Variants in RRM2 observed in about 807,000 individuals in gnomAD.
The protein encoded by RRM2 is ribonucleotide reductase regulatory subunit M2, also known as ribonucleoside-diphosphate reductase subunit M2.
A neutral mutation model predicts 45.9 loss-of-function variants in RRM2; 6 were observed. That is an observed-to-expected ratio of 0.13 (90% CI 0.07 to 0.26). The LOEUF (loss-of-function observed/expected upper bound fraction) is 0.26, where lower values mean the gene tolerates loss of function less well. RRM2 is among the 10% of genes least tolerant of loss of function. The pLI is 1.00. For missense variants in RRM2, 343 were observed against 489.5 expected (o/e 0.70, Z 2.82); for synonymous variants, 177 against 173.0 (o/e 1.02, Z -0.18).
chr2:10,134,273 T>C (rs978077471), downstream of RRM2, among the ~76,000 whole-genome samples: 2 of 151,928 alleles, frequency 1.3e-5, no homozygotes, highest in Non-Finnish European at 2.9e-5. Context: ...GCCCCGGAAC[T>C]TGTAGCAGCT....
chr2:10,157,593 A>T lies in RRM2; in HGVS notation n.482+15218A>T, dbSNP rs556921267. On this transcript the variant is annotated intron_variant and non_coding_transcript_variant, in intron 3 of 3. Coordinates refer to the RRM2 transcript ENST00000381786. ...TTATGCAGACAGGATCAAGGATGGT[A>T]CACTTTTTGGTGCCCTTTTTTGGCT... 2.0e-5 allele frequency among the ~76,000 whole-genome samples: 3 copies of T among 152,214 alleles called. No individual in the cohort carries two copies. The South Asian group carries it at 6.2e-4, about 32-fold the overall frequency.
At chr2:10,193,544 G>A (rs1301028469) in intron 3 of RRM2, among the ~76,000 whole-genome samples, 1 of 152,274 alleles carries the variant, frequency 6.6e-6, no homozygotes, top group Non-Finnish European at 1.5e-5. Flanking sequence ...CGCGCCTGCA[G>A]GAGCCTGTCC....
rs1664647157 is a variant in RRM2, at chr2:10,205,563, G to GA, written n.483-4745dup. The stretch of plus-strand genomic sequence containing the variant: ...GGAATGAGGCAGGAGGAGAGACATG[G>GA]AAAGGGAGAGAGATACCTTCCGTTT... On this transcript the variant is annotated intron_variant and non_coding_transcript_variant, in intron 3 of 3. Transcript: ENST00000381786. This position sits in a 1 kb window ranked among gnomAD's most constrained non-coding sequence, Gnocchi z 4.8. Among the ~76,000 whole-genome samples, 1 of 152,346 alleles carries GA rather than the reference G, an allele frequency of 6.6e-6. No individual in the cohort carries two copies. The highest frequency in any genetic ancestry group is 1.5e-5 in the Non-Finnish European group (1 of 68,028).
At chr2:10,164,581 T>C (rs949331354) in intron 3 of RRM2, among the ~76,000 whole-genome samples, 2 of 152,152 alleles carry the variant, frequency 1.3e-5, no homozygotes. Context: ...TGGATTGGTC[T>C]CTGCTTGAAC....
At chr2:10,142,595 G>T (rs768764672) in intron 3 of RRM2, among the ~76,000 whole-genome samples, 1 of 151,934 alleles carries the variant, frequency 6.6e-6, no homozygotes, top group Non-Finnish European at 1.5e-5. Flanking sequence ...CAGACAGCAC[G>T]GTCCTGCGAT....
chr2:10,155,348 G>A (rs1254228515), intron 3 of RRM2: 1 of 171,024 alleles, frequency 5.8e-6, no homozygotes, highest in Non-Finnish European at 1.3e-5. Context: ...TCCCTCCTCT[G>A]GGTTTTCTCT....
chr2:10,155,097 C>A, intron 3 of RRM2: 1 of 247,136 alleles, frequency 4.0e-6, no homozygotes, highest in Non-Finnish European at 7.9e-6. Flanking sequence ...CTGAATTGGC[C>A]ACTGACACTG....
chr2:10,129,352 CAG>C lies in RRM2; in HGVS notation c.1140_1141del (p.Asn381PhefsTer7). On this transcript the variant is annotated frameshift_variant, in exon 10 of 10. Transcript: ENST00000304567. LOFTEE classifies it high-confidence loss of function. The surrounding 1 kb of genome is among the most constrained non-coding windows in gnomAD (Gnocchi z 4.8). ...AGGATGGGAGTGATGTCAAGTCCAACAGAGAATTCTTTTACCTTGGATGCTGA... is the reference window on the plus strand; with the variant it reads ...AGGATGGGAGTGATGTCAAGTCCAACAGAATTCTTTTACCTTGGATGCTGA... 1 of 1,613,262 alleles carries C rather than the reference CAG, an allele frequency of 6.2e-7. No individual in the cohort carries two copies. Among genetic ancestry groups the C allele is most frequent in the Non-Finnish European group, 8.5e-7 (1 of 1,179,756 alleles).
chr2:10,163,187 T>C (rs1663604707), intron 3 of RRM2, among the ~76,000 whole-genome samples: 1 of 152,234 alleles, frequency 6.6e-6, no homozygotes, highest in Non-Finnish European at 1.5e-5. Context: ...GCGAAGGCTA[T>C]TCAGAGAGAC....
At position 10,190,458 on chromosome 2, in the gene RRM2, GTGGTGA is replaced by G. The variant is rs1430981307; in HGVS notation, n.483-19841_483-19836del. 7.6e-5 allele frequency among the ~76,000 whole-genome samples: 11 copies of G among 144,190 alleles called. No individual in the cohort carries two copies. In the East Asian group the frequency reaches 9.1e-4, roughly 12 times the overall value. 94.6% of individuals were successfully genotyped at this position (144,190 alleles called of 152,430 possible). ...GTGTGATGATGATGATGTGATGATG[GTGGTGA>G]TGGTGATGGTGGTGGCGATGGTGGG... On this transcript the variant is annotated intron_variant and non_coding_transcript_variant, in intron 3 of 3. Coordinates refer to the RRM2 transcript ENST00000381786.
Position 10,123,015 on chromosome 2 carries a change from C to A in RRM2, c.132C>A (p.Ala44=). The change falls in exon 2 of 10, where the codon GCC becomes GCA. Residue 44 remains alanine, a synonymous_variant. Coordinates refer to ENST00000304567, the MANE Select transcript of RRM2 (RefSeq NM_001034.4). ...PPALSGTRVL[A]SKTARRIFQE... ...CCCTGAGCGGGACCCGCGTCCTGGC[C>A]AGCAAGACCGCGAGGAGGATCTTCC... 6.4e-7 allele frequency: 1 copy of A among 1,566,192 alleles called. No individual in the cohort carries two copies. The highest frequency in any genetic ancestry group is 8.6e-7 in the Non-Finnish European group (1 of 1,162,838).
rs147078779 is a variant in RRM2, at chr2:10,142,061, G to A, written n.361+107G>A. 1,271 of 1,599,500 alleles carry A rather than the reference G, an allele frequency of 7.9e-4. 6 individuals carry two copies. In the African/African-American group the frequency reaches 0.015, roughly 18 times the overall value. On this transcript the variant is annotated intron_variant and non_coding_transcript_variant, in intron 2 of 3. Transcript: ENST00000381786. ...GGAGCCAGAGGGAGCCAGAGGATGT[G>A]GGGATCGACCACGTGGTTAGGGGAG...
rs1029470440 is a variant in RRM2, at chr2:10,185,999, G to T, written n.483-24312G>T. 6.6e-5 allele frequency among the ~76,000 whole-genome samples: 10 copies of T among 152,212 alleles called. No individual in the cohort carries two copies. The highest frequency in any genetic ancestry group is 2.4e-4 in the African/African-American group (10 of 41,438). ...ACTTTGAATGTTGTTATGAAGTCCAGTGGAGAAGAGCTAGCCTAAATTCGG... is the reference window on the plus strand; with the variant it reads ...ACTTTGAATGTTGTTATGAAGTCCATTGGAGAAGAGCTAGCCTAAATTCGG... On this transcript the variant is annotated intron_variant and non_coding_transcript_variant, in intron 3 of 3. Transcript: ENST00000381786. The surrounding 1 kb of genome is among the most constrained non-coding windows in gnomAD (Gnocchi z 4.3).
rs577739104 is a variant in RRM2 at position 10,128,871 on chromosome 2, C to T, written c.822C>T (p.Cys274=). The change falls in exon 8 of 10, where the codon TGC becomes TGT. Residue 274 remains cysteine, a synonymous_variant. Transcript: ENST00000304567. ...AGGGTTTACACTGTGATTTTGCTTG[C>T]CTGATGTTCAAACACCTGGTACACA... ...RDEGLHCDFA[C]LMFKHLVHKP... The T allele has an allele frequency of 6.2e-7, 1 of 1,614,050 alleles. No individual in the cohort carries two copies. Among genetic ancestry groups the T allele is most frequent in the South Asian group, 1.1e-5 (1 of 91,068 alleles).
chr2:10,142,552 G>C (rs79005913), intron 3 of RRM2, among the ~76,000 whole-genome samples: 1 of 151,818 alleles, frequency 6.6e-6, no homozygotes, highest in Non-Finnish European at 1.5e-5. Flanking sequence ...AGGCGGGGGA[G>C]CTTCGCCCTC....
At chr2:10,174,840 C>G (rs1663879401) in intron 3 of RRM2, among the ~76,000 whole-genome samples, 1 of 149,588 alleles carries the variant, frequency 6.7e-6, no homozygotes, top group African/African-American at 2.5e-5. Context: ...GCTTTCCAGC[C>G]TGGGTGACAG....
chr2:10,154,764 C>T (rs1158809484), intron 3 of RRM2, among the ~76,000 whole-genome samples: 1 of 138,624 alleles, frequency 7.2e-6, no homozygotes, highest in African/African-American at 2.7e-5. Flanking sequence ...GGCGCGATCT[C>T]GGCTCACTGC....
intron 3 of RRM2, among the ~76,000 whole-genome samples, chr2:10,210,056 C>T (rs1664730309): frequency 6.6e-6 from 1 of 152,150 alleles, no homozygotes; most frequent in Non-Finnish European, 1.5e-5. Flanking sequence ...AAGCCAATGC[C>T]CTCCCTCGGG....
In RRM2 at chr2:10,207,590, T is replaced by G. The variant is rs114181114; in HGVS notation, n.483-2721T>G. On this transcript the variant is annotated intron_variant and non_coding_transcript_variant, in intron 3 of 3. Coordinates refer to the RRM2 transcript ENST00000381786. ...TTGGCCCCTCATGGGTGCCATCATT[T>G]TGCCCACATAGGCTCTTGTCTGTGC... 7.3e-3 allele frequency among the ~76,000 whole-genome samples: 1,119 copies of G among 152,310 alleles called. 21 individuals carry two copies. The highest frequency in any genetic ancestry group is 0.026 in the African/African-American group (1,062 of 41,558).
Sources: allele counts gnomAD v4.1 joint callset (sites outside exome capture counted in the v4.1 genomes callset), GRCh38; gene constraint gnomAD v4.1.1; non-coding constraint Gnocchi (gnomAD v3.1); transcripts MANE v1.5; gene names NCBI Gene and HGNC (gene_info 2026-07-23, HGNC 2026-07-21).